The following LRMDA variants were observed in gnomAD, a reference collection of about 807,000 sequenced individuals.
LRMDA encodes the protein leucine rich melanocyte differentiation associated.
In LRMDA, 18 loss-of-function variants were observed where a neutral mutation model predicts 29.8. That is an observed-to-expected ratio of 0.60 (90% CI 0.42 to 0.90). The LOEUF (loss-of-function observed/expected upper bound fraction) is 0.90, where lower values mean the gene tolerates loss of function less well. Among genes scored for constraint, LRMDA ranks in the 40% least tolerant of loss-of-function variants. The pLI, the probability that LRMDA is intolerant of heterozygous loss-of-function variation, is 0.00. For missense variants in LRMDA, 273 were observed against 273.9 expected (o/e 1.00, Z 0.02); for synonymous variants, 125 against 109.4 (o/e 1.14, Z -0.89).
intron 2 of LRMDA, among the ~76,000 whole-genome samples, chr10:76,011,955 C>G (rs1220649935): frequency 6.6e-6 from 1 of 152,084 alleles, no homozygotes; most frequent in Non-Finnish European, 1.5e-5. Context: ...GCTCCCTTCC[C>G]AAAGTCCAGG....
chr10:76,418,060 G>T (rs562758197), intron 6 of LRMDA, among the ~76,000 whole-genome samples: 9 of 152,168 alleles, frequency 5.9e-5, no homozygotes, highest in African/African-American at 2.2e-4. Context: ...TTATAATAAT[G>T]TCTAATATCT....
chr10:75,587,877 G>A (rs539121313), intron 2 of LRMDA, among the ~76,000 whole-genome samples: 1 of 152,250 alleles, frequency 6.6e-6, no homozygotes, highest in African/African-American at 2.4e-5. Flanking sequence ...TGTCCCTTCA[G>A]GCTCACCCCT....
At chr10:75,756,508 GA>G (rs1843034435) in intron 2 of LRMDA, among the ~76,000 whole-genome samples, 2 of 152,194 alleles carry the variant, frequency 1.3e-5, no homozygotes, top group African/African-American at 4.8e-5. Context: ...ATGTACCAGA[GA>G]AATAAACTGA....
At chr10:76,451,315 C>T (rs1227759711) in intron 6 of LRMDA, among the ~76,000 whole-genome samples, 2 of 152,082 alleles carry the variant, frequency 1.3e-5, no homozygotes, top group South Asian at 4.2e-4. Flanking sequence ...CATTCTCCTG[C>T]CTAAGCCTCC....
intron 2 of LRMDA, among the ~76,000 whole-genome samples, chr10:75,849,221 G>A (rs1053008811): frequency 2.6e-5 from 4 of 152,052 alleles, no homozygotes; most frequent in Non-Finnish European, 4.4e-5. Context: ...TATCCTTGCT[G>A]TAAATTCAAT....
intron 2 of LRMDA, among the ~76,000 whole-genome samples, chr10:76,006,894 G>A (rs942458931): frequency 2.6e-5 from 4 of 152,130 alleles, no homozygotes; most frequent in African/African-American, 7.2e-5. Context: ...CAAGCGTTAA[G>A]GGCATTCAGA....
intron 2 of LRMDA, among the ~76,000 whole-genome samples, chr10:75,907,906 G>T (rs777659798): frequency 6.6e-6 from 1 of 152,102 alleles, no homozygotes; most frequent in Non-Finnish European, 1.5e-5. Flanking sequence ...ATTCACTCAC[G>T]GTGGCATGGT....
chr10:75,843,127 G>A (rs1312249713), intron 2 of LRMDA, among the ~76,000 whole-genome samples: 1 of 152,188 alleles, frequency 6.6e-6, no homozygotes, highest in African/African-American at 2.4e-5. Context: ...GTTTCCTTGG[G>A]CCTGGCACAA....
intron 6 of LRMDA, among the ~76,000 whole-genome samples, chr10:76,342,260 A>T (rs896446336): frequency 1.3e-5 from 2 of 152,198 alleles, no homozygotes; most frequent in African/African-American, 4.8e-5. Context: ...TATGGTTAAG[A>T]ATTCCTGGGG....
At chr10:75,596,515 T>G (rs1214135497) in intron 2 of LRMDA, among the ~76,000 whole-genome samples, 2 of 152,206 alleles carry the variant, frequency 1.3e-5, no homozygotes, top group African/African-American at 2.4e-5. Flanking sequence ...AAACACCAAG[T>G]TCATTTTTCC....
At chr10:75,979,823 G>A (rs929532823) in intron 2 of LRMDA, among the ~76,000 whole-genome samples, 2 of 152,090 alleles carry the variant, frequency 1.3e-5, no homozygotes, top group African/African-American at 2.4e-5. Context: ...TCCATCATCT[G>A]TGTTCCTGCA....
intron 2 of LRMDA, among the ~76,000 whole-genome samples, chr10:75,564,755 T>G (rs1840348440): frequency 6.6e-6 from 1 of 152,222 alleles, no homozygotes; most frequent in African/African-American, 2.4e-5. Flanking sequence ...GTTAATAAAA[T>G]GAGTTAATTG....
At chr10:76,250,095 C>T (rs1332682815) in intron 5 of LRMDA, among the ~76,000 whole-genome samples, 1 of 152,144 alleles carries the variant, frequency 6.6e-6, no homozygotes, top group Non-Finnish European at 1.5e-5. Flanking sequence ...TGTGAGCCAC[C>T]TCACTGGGCC....
At chr10:76,110,613 G>A (rs542358092) in intron 5 of LRMDA, among the ~76,000 whole-genome samples, 14 of 152,210 alleles carry the variant, frequency 9.2e-5, no homozygotes, top group South Asian at 2.1e-4. Context: ...ATGGGGCCCC[G>A]TCTTTCCCAT....
intron 2 of LRMDA, among the ~76,000 whole-genome samples, chr10:75,539,728 T>C (rs1839993159): frequency 6.6e-6 from 1 of 152,208 alleles, no homozygotes; most frequent in South Asian, 2.1e-4. Flanking sequence ...AGATTTGGCT[T>C]AGTATAAATG....
chr10:75,638,195 A>G (rs1328907679), intron 2 of LRMDA, among the ~76,000 whole-genome samples: 3 of 152,182 alleles, frequency 2.0e-5, no homozygotes, highest in Non-Finnish European at 4.4e-5. Flanking sequence ...GAGTGTCTCC[A>G]TGGAATCCTC....
At chr10:76,425,541 T>G (rs1269726063) in intron 6 of LRMDA, among the ~76,000 whole-genome samples, 3 of 151,724 alleles carry the variant, frequency 2.0e-5, no homozygotes, top group African/African-American at 7.2e-5. Context: ...AGGCAGTACT[T>G]GGCATGCAAA....
chr10:76,091,855 TA>T (rs375864462), intron 5 of LRMDA, among the ~76,000 whole-genome samples: 8 of 127,762 alleles, frequency 6.3e-5, no homozygotes, highest in East Asian at 2.0e-4. Context: ...CTGGGTGATT[TA>T]AAAAAAAAAT....
chr10:76,106,852 T>G (rs926871767), intron 5 of LRMDA, among the ~76,000 whole-genome samples: 2 of 152,158 alleles, frequency 1.3e-5, no homozygotes, highest in African/African-American at 4.8e-5. Flanking sequence ...CAGAAATACA[T>G]CATCTCCCAG....
Sources: gnomAD v4.1 joint callset for allele counts (sites outside exome capture counted in the v4.1 genomes callset) on GRCh38, gnomAD v4.1.1 for gene constraint, MANE v1.5 for transcripts, NCBI Gene and HGNC (gene_info 2026-07-23, HGNC 2026-07-21) for gene names.